APP: variants seen among roughly 807,000 people sequenced by gnomAD.
APP encodes the protein amyloid beta precursor protein, also known as amyloid-beta precursor protein.
Under a neutral mutation model 101.4 loss-of-function variants are expected in APP, and 31 were observed. That is an observed-to-expected ratio of 0.31 (90% CI 0.23 to 0.41). The LOEUF (loss-of-function observed/expected upper bound fraction) is 0.41, where lower values mean the gene tolerates loss of function less well. Ranked by LOEUF, APP falls within the 10% of genes least tolerant of loss-of-function variation. APP has a pLI of 1.00. For missense variants in APP, 839 were observed against 1,003.7 expected (o/e 0.84, Z 2.22); for synonymous variants, 366 against 364.4 (o/e 1.00, Z -0.05).
intron 16 of APP, among the ~76,000 whole-genome samples, chr21:25,893,472 T>C (rs1662733405): frequency 6.6e-6 from 1 of 152,182 alleles, no homozygotes; most frequent in Middle Eastern, 3.2e-3. Flanking sequence ...TTGAAGGAGA[T>C]TAAAAGTGCT....
Position 26,117,707 on chromosome 21 carries a change from A to C in APP, c.58-5561T>G, listed in dbSNP as rs560129926. 5.9e-5 allele frequency among the ~76,000 whole-genome samples: 9 copies of C among 152,310 alleles called. No homozygotes were observed. In the South Asian group the frequency reaches 1.9e-3, roughly 32 times the overall value. The stretch of plus-strand genomic sequence containing the variant: ...TGTGTGCATGTATTTGTGGTGAGCA[A>C]AAATAGAGAAGCTATTAAAAAAGAA... On this transcript the variant is annotated intron_variant, in intron 1 of 17. Transcript: ENST00000346798.
intron 11 of APP, among the ~76,000 whole-genome samples, chr21:25,974,469 A>T (rs2042152733): frequency 6.6e-6 from 1 of 152,212 alleles, no homozygotes; most frequent in Non-Finnish European, 1.5e-5. Flanking sequence ...CTTATAAAAG[A>T]GGGCCCAGAG....
intron 3 of APP, among the ~76,000 whole-genome samples, chr21:26,080,292 A>T (rs1240651786): frequency 6.6e-6 from 1 of 152,204 alleles, no homozygotes; most frequent in Non-Finnish European, 1.5e-5. Context: ...GCTACAACAC[A>T]CATATAATTA....
intron 1 of APP, among the ~76,000 whole-genome samples, chr21:26,149,266 G>A (rs2063213982): frequency 6.6e-6 from 1 of 152,186 alleles, no homozygotes. Flanking sequence ...TAAAGACAAT[G>A]AAAACATAGT....
intron 5 of APP, among the ~76,000 whole-genome samples, chr21:26,031,972 C>A (rs2044849415): frequency 6.6e-6 from 1 of 152,216 alleles, no homozygotes; most frequent in South Asian, 2.1e-4. Flanking sequence ...CCATGTGGCT[C>A]AGGCTACAGG....
intron 1 of APP, among the ~76,000 whole-genome samples, chr21:26,168,500 A>G (rs2063665907): frequency 6.6e-6 from 1 of 152,254 alleles, no homozygotes; most frequent in African/African-American, 2.4e-5. Context: ...CAGAAAGAGC[A>G]TATTAATGCA....
chr21:26,033,839 A>G (rs941128130), intron 5 of APP, among the ~76,000 whole-genome samples: 11 of 152,162 alleles, frequency 7.2e-5, no homozygotes, highest in African/African-American at 1.2e-4. Context: ...GGGAGTGAGT[A>G]AGAGGAGGAA....
In APP at chr21:25,905,027, G is replaced by A. The variant is rs1398736673; in HGVS notation, c.1960C>T (p.Pro654Ser). Residue 654 changes from proline to serine, a missense_variant, in exon 15 of 18, where the codon CCA becomes TCA. Transcript: ENST00000346798. ...ACAAGTCAAGCGGTTCTGATACCTG[G>A]TCGAGTGGTCAGTCCTCGGTCGGCA... ...PAADRGLTTR[P>S]GSGLTNIKTE... 6.2e-7 allele frequency: 1 copy of A among 1,613,706 alleles called. No individual in the cohort carries two copies. The highest frequency in any genetic ancestry group is 1.3e-5 in the African/African-American group (1 of 74,926).
chr21:25,978,829 G>T (rs575180804), intron 9 of APP, among the ~76,000 whole-genome samples: 1 of 152,160 alleles, frequency 6.6e-6, no homozygotes, highest in Non-Finnish European at 1.5e-5. Flanking sequence ...GCACGTGCCT[G>T]TAATCCCAGT....
At chr21:26,112,181 A>C (rs374679239) in intron 1 of APP, 35 bp from the exon 2 acceptor site, 1 of 1,609,256 alleles carries the variant, frequency 6.2e-7, no homozygotes, top group Admixed American at 1.7e-5. Context: ...TATAGTATCC[A>C]TAGCTCCAAG....
chr21:25,914,616 C>G (rs543640656), intron 13 of APP, among the ~76,000 whole-genome samples: 2 of 138,486 alleles, frequency 1.4e-5, no homozygotes, highest in Non-Finnish European at 3.1e-5. Context: ...TGCAGTGGCG[C>G]AATCTCGGCT....
At chr21:26,116,044 G>T (rs1170470502) in intron 1 of APP, among the ~76,000 whole-genome samples, 1 of 152,060 alleles carries the variant, frequency 6.6e-6, no homozygotes, top group Admixed American at 6.6e-5. Flanking sequence ...TGAATATGAA[G>T]GTAATTCTTG....
At chr21:25,969,030 T>C (rs1241968872) in intron 11 of APP, among the ~76,000 whole-genome samples, 1 of 152,156 alleles carries the variant, frequency 6.6e-6, no homozygotes, top group Non-Finnish European at 1.5e-5. Flanking sequence ...TCTGGATTTA[T>C]GTCTTCAAGA....
chr21:26,020,449 G>C (rs2044288563), intron 6 of APP, among the ~76,000 whole-genome samples: 1 of 151,854 alleles, frequency 6.6e-6, no homozygotes, highest in South Asian at 2.1e-4. Context: ...ACCTTAATAA[G>C]GTAAAAAATG....
At chr21:26,150,903 A>AT (rs941574108) in intron 1 of APP, among the ~76,000 whole-genome samples, 23 of 152,284 alleles carry the variant, frequency 1.5e-4, no homozygotes, top group Non-Finnish European at 2.5e-4. Flanking sequence ...ACAGTATTGT[A>AT]TTTTTTTAAA....
intron 1 of APP, among the ~76,000 whole-genome samples, chr21:26,112,438 C>T (rs1402942064): frequency 6.6e-6 from 1 of 152,106 alleles, no homozygotes; most frequent in Non-Finnish European, 1.5e-5. Context: ...TTTGTGGTAC[C>T]TGCTGAAAGG....
chr21:26,121,912 A>G (rs2062581501), intron 1 of APP, among the ~76,000 whole-genome samples: 1 of 152,230 alleles, frequency 6.6e-6, no homozygotes, highest in Non-Finnish European at 1.5e-5. Context: ...AAAAAGAACC[A>G]AGAGACCATT....
At chr21:26,165,115 AACT>A (rs146424964) in intron 1 of APP, among the ~76,000 whole-genome samples, 4,200 of 152,314 alleles carry the variant, frequency 0.028, 193 homozygotes, top group African/African-American at 0.096. Context: ...ATTTAGATCA[AACT>A]CATAGACAAC....
chr21:26,110,067 C>G (rs187486216), intron 2 of APP, among the ~76,000 whole-genome samples: 1 of 152,316 alleles, frequency 6.6e-6, no homozygotes, highest in East Asian at 1.9e-4. Context: ...AACATTGACA[C>G]TTTATAAAAG....
Sources: gnomAD v4.1 joint callset for allele counts (sites outside exome capture counted in the v4.1 genomes callset) on GRCh38, gnomAD v4.1.1 for gene constraint, MANE v1.5 for transcripts, NCBI Gene and HGNC (gene_info 2026-07-23, HGNC 2026-07-21) for gene names.